The following PKP4 variants were observed in gnomAD, a reference collection of about 807,000 sequenced individuals.
The protein encoded by PKP4 is plakophilin-4.
Under a neutral mutation model 145.1 loss-of-function variants are expected in PKP4, and 90 were observed. The observed-to-expected ratio is 0.62, with a 90% CI of 0.52 to 0.74. The LOEUF (loss-of-function observed/expected upper bound fraction) is 0.74. Ranked by LOEUF, PKP4 falls within the 30% of genes least tolerant of loss-of-function variation. The probability of loss-of-function intolerance (pLI) is 0.00; values close to 1 mark genes in which losing one functional copy is unlikely to be tolerated. For synonymous variants in PKP4, 563 were observed against 577.2 expected, an observed-to-expected ratio of 0.98 and a Z score of 0.35; for missense variants, 1,340 against 1,482.7, an observed-to-expected ratio of 0.90 and a Z score of 1.58.
chr2:158,644,905 A>T (rs2054681689), intron 11 of PKP4, among the ~76,000 whole-genome samples: 1 of 152,136 alleles, frequency 6.6e-6, no homozygotes, highest in Non-Finnish European at 1.5e-5. Context: ...CATGCTTGAG[A>T]TATTTAATTT....
intron 13 of PKP4, 104 bp from the exon 14 acceptor site, chr2:158,662,793 T>C (rs899924575): frequency 1.2e-6 from 1 of 801,124 alleles, no homozygotes. Flanking sequence ...AAAAAGTAGT[T>C]CTTTCATATT....
intron 2 of PKP4, among the ~76,000 whole-genome samples, chr2:158,561,806 T>TTTTTTA (rs2046544299): frequency 6.6e-6 from 1 of 151,874 alleles, no homozygotes; most frequent in Non-Finnish European, 1.5e-5. Flanking sequence ...TTTTTTTTTT[T>TTTTTTA]AATTTAAGTT....
chr2:158,579,745 T>C (rs774269580), intron 3 of PKP4, among the ~76,000 whole-genome samples: 1 of 152,120 alleles, frequency 6.6e-6, no homozygotes, highest in Non-Finnish European at 1.5e-5. Flanking sequence ...AATAACTAGA[T>C]CTACATGTAT....
At chr2:158,548,725 C>A in intron 2 of PKP4, 1 of 252,394 alleles carries the variant, frequency 4.0e-6, no homozygotes. Context: ...TTAAGCTGGC[C>A]CATAAGTACT....
intron 2 of PKP4, among the ~76,000 whole-genome samples, chr2:158,556,617 G>T (rs2046118755): frequency 6.6e-6 from 1 of 151,574 alleles, no homozygotes; most frequent in Non-Finnish European, 1.5e-5. Context: ...CACTGTAACG[G>T]ATGCTGGATG....
intron 10 of PKP4, 89 bp from the exon 11 acceptor site, chr2:158,642,397 A>G (rs901210285): frequency 3.2e-6 from 3 of 945,442 alleles, no homozygotes; most frequent in Non-Finnish European, 4.8e-6. Context: ...AGATATCCAC[A>G]TCCTGTGATC....
At chr2:158,649,110 C>CA (rs2055103538) in intron 11 of PKP4, among the ~76,000 whole-genome samples, 1 of 152,070 alleles carries the variant, frequency 6.6e-6, no homozygotes, top group African/African-American at 2.4e-5. Context: ...ACTAAGAAGA[C>CA]AAAAAATGTC....
chr2:158,493,318 G>C (rs181957111), intron 1 of PKP4, among the ~76,000 whole-genome samples: 30 of 152,156 alleles, frequency 2.0e-4, no homozygotes, highest in African/African-American at 6.5e-4. Context: ...TCATTCACCA[G>C]TGAGCCAAAT....
intron 9 of PKP4, among the ~76,000 whole-genome samples, chr2:158,640,133 T>C (rs1163808141): frequency 6.6e-6 from 1 of 152,222 alleles, no homozygotes; most frequent in African/African-American, 2.4e-5. Flanking sequence ...TTCTGTGTTA[T>C]ACTCAAGAGC....
intron 11 of PKP4, among the ~76,000 whole-genome samples, chr2:158,652,983 G>T (rs1276676605): frequency 6.6e-6 from 1 of 152,208 alleles, no homozygotes; most frequent in Non-Finnish European, 1.5e-5. Context: ...TCAGAGCGAG[G>T]TTCACTCAAG....
intron 2 of PKP4, among the ~76,000 whole-genome samples, chr2:158,563,778 C>T (rs1048760872): frequency 4.6e-5 from 7 of 151,906 alleles, no homozygotes; most frequent in Admixed American, 1.3e-4. Context: ...TCCTGCTACA[C>T]CATTTCTTCA....
At chr2:158,572,701 G>A (rs564026149) in intron 2 of PKP4, among the ~76,000 whole-genome samples, 97 of 152,288 alleles carry the variant, frequency 6.4e-4, no homozygotes, top group South Asian at 3.5e-3. Context: ...CGATAGTTAC[G>A]ATACCTATGA....
intron 11 of PKP4, among the ~76,000 whole-genome samples, chr2:158,656,131 T>C (rs1266040966): frequency 6.6e-6 from 1 of 152,100 alleles, no homozygotes; most frequent in Non-Finnish European, 1.5e-5. Context: ...CTGCTCTGAG[T>C]CAATTGAGGT....
chr2:158,585,021 T>C (rs999452631), intron 3 of PKP4, among the ~76,000 whole-genome samples: 4 of 152,192 alleles, frequency 2.6e-5, no homozygotes, highest in African/African-American at 9.6e-5. Flanking sequence ...GTAAAAAATA[T>C]ATATTTAAAA....
chr2:158,610,018 T>G (rs1320672002), intron 4 of PKP4, among the ~76,000 whole-genome samples: 1 of 152,204 alleles, frequency 6.6e-6, no homozygotes, highest in African/African-American at 2.4e-5. Context: ...AGTAATAAAG[T>G]TGTTTTGGAG....
intron 2 of PKP4, among the ~76,000 whole-genome samples, chr2:158,576,502 T>C (rs1163032936): frequency 6.6e-6 from 1 of 152,220 alleles, no homozygotes; most frequent in Non-Finnish European, 1.5e-5. Flanking sequence ...TTCTACTTAC[T>C]AAAATCCCAT....
intron 1 of PKP4, among the ~76,000 whole-genome samples, chr2:158,499,250 A>G (rs2105489336): frequency 6.6e-6 from 1 of 152,232 alleles, no homozygotes; most frequent in Non-Finnish European, 1.5e-5. Context: ...CCCCTTTCAT[A>G]TCAAAACTGA....
At chr2:158,491,900 G>C (rs1990814) in intron 1 of PKP4, among the ~76,000 whole-genome samples, 1 of 151,964 alleles carries the variant, frequency 6.6e-6, no homozygotes, top group Admixed American at 6.5e-5. Context: ...GGCTCAAGCA[G>C]CCCCTCATGT....
rs1163418573 is a variant in PKP4 at position 158,524,554 on chromosome 2, C to G, written c.-5-8626C>G. On this transcript the variant is annotated intron_variant, in intron 1 of 21. Coordinates refer to ENST00000389759, the MANE Select transcript of PKP4 (RefSeq NM_003628.6). ...TGCCAAAATGTAAAGAGCATCGAGA[C>G]TAGGAAGAAACTGCATCAACTAACG... Among the ~76,000 whole-genome samples, 2 of 27,232 alleles carry G rather than the reference C, an allele frequency of 7.3e-5. 1 individual carries two copies. The highest frequency in any genetic ancestry group is 2.2e-4 in the Non-Finnish European group (2 of 9,250). The allele number at this position is 27,232 out of a possible 152,430, so 17.9% of individuals were successfully genotyped here.
Sources: allele counts gnomAD v4.1 joint callset (sites outside exome capture counted in the v4.1 genomes callset), GRCh38; gene constraint gnomAD v4.1.1; transcripts MANE v1.5; gene names NCBI Gene and HGNC (gene_info 2026-07-23, HGNC 2026-07-21).